The following LRMDA variants were observed in gnomAD, a reference collection of about 807,000 sequenced individuals.
LRMDA encodes the protein leucine-rich melanocyte differentiation-associated protein.
LRMDA carries 18 observed loss-of-function variants against 29.8 expected under a neutral mutation model. The ratio of observed to expected loss-of-function variants is 0.60; its 90% CI spans 0.42 to 0.90. The LOEUF (loss-of-function observed/expected upper bound fraction) is 0.90, where lower values mean the gene tolerates loss of function less well. Among genes scored for constraint, LRMDA ranks in the 40% least tolerant of loss-of-function variants. LRMDA has a pLI of 0.00. For missense variants in LRMDA, 273 were observed against 273.9 expected (o/e 1.00, Z 0.02); for synonymous variants, 125 against 109.4 (o/e 1.14, Z -0.89).
chr10:75,647,502 G>A (rs1174960093), intron 2 of LRMDA: 2 of 152,370 alleles, frequency 1.3e-5, no homozygotes, highest in African/African-American at 4.8e-5. Context: ...AGGGAGGCAT[G>A]CTCTTGAACA....
At chr10:76,265,153 G>A (rs1839990864) in intron 5 of LRMDA, among the ~76,000 whole-genome samples, 1 of 152,220 alleles carries the variant, frequency 6.6e-6, no homozygotes, top group Non-Finnish European at 1.5e-5. Context: ...AACAGCAGGA[G>A]GCAGAAGCAG....
At chr10:75,706,732 CTTTTT>C (rs61099708) in intron 2 of LRMDA, among the ~76,000 whole-genome samples, 2 of 126,210 alleles carry the variant, frequency 1.6e-5, no homozygotes, top group East Asian at 2.3e-4. Context: ...ATTGGTACCA[CTTTTT>C]TTTTTTTTTT....
At chr10:76,299,618 T>TA (rs11414042) in intron 5 of LRMDA, among the ~76,000 whole-genome samples, 5 of 150,524 alleles carry the variant, frequency 3.3e-5, no homozygotes, top group Admixed American at 2.6e-4. Flanking sequence ...TTTTTTTTTT[T>TA]ATGGGACTCA....
chr10:75,529,300 A>G (rs1218268062), intron 2 of LRMDA, among the ~76,000 whole-genome samples: 2 of 152,236 alleles, frequency 1.3e-5, no homozygotes, highest in Non-Finnish European at 2.9e-5. Context: ...GCTAGGATAT[A>G]CTGGAGCAAC....
chr10:76,128,444 G>A (rs77923056), intron 5 of LRMDA, among the ~76,000 whole-genome samples: 1,871 of 152,312 alleles, frequency 0.012, 44 homozygotes, highest in African/African-American at 0.042. Context: ...GGCCCCTGAC[G>A]TCAGCCCGTG....
chr10:76,213,972 G>C (rs542128129), intron 5 of LRMDA, among the ~76,000 whole-genome samples: 2 of 152,186 alleles, frequency 1.3e-5, no homozygotes, highest in South Asian at 4.1e-4. Flanking sequence ...GCAATGTTAG[G>C]GACACTGCAC....
At chr10:76,363,731 G>T (rs1841357659) in intron 6 of LRMDA, among the ~76,000 whole-genome samples, 1 of 151,958 alleles carries the variant, frequency 6.6e-6, no homozygotes, top group African/African-American at 2.4e-5. Flanking sequence ...ATAAAAGAAG[G>T]GTAGAACTTC....
At chr10:75,710,495 A>G (rs1000694315) in intron 2 of LRMDA, among the ~76,000 whole-genome samples, 3 of 152,246 alleles carry the variant, frequency 2.0e-5, no homozygotes, top group Non-Finnish European at 4.4e-5. Flanking sequence ...ATTTATAACA[A>G]GCTCATTCTA....
At chr10:75,726,955 G>A (rs1317447112) in intron 2 of LRMDA, among the ~76,000 whole-genome samples, 1 of 152,158 alleles carries the variant, frequency 6.6e-6, no homozygotes, top group Non-Finnish European at 1.5e-5. Context: ...GTCTGATTAT[G>A]CAAGGTTCTA....
intron 2 of LRMDA, among the ~76,000 whole-genome samples, chr10:75,951,876 G>A (rs1400433150): frequency 6.6e-6 from 1 of 152,194 alleles, no homozygotes; most frequent in Non-Finnish European, 1.5e-5. Flanking sequence ...TTGACCCCTG[G>A]AAAGGCTGAG....
At chr10:75,776,726 C>G (rs1843316788) in intron 2 of LRMDA, among the ~76,000 whole-genome samples, 1 of 152,158 alleles carries the variant, frequency 6.6e-6, no homozygotes, top group African/African-American at 2.4e-5. Flanking sequence ...TTTATGAAAA[C>G]AATTTAAACC....
intron 5 of LRMDA, among the ~76,000 whole-genome samples, chr10:76,268,374 G>A (rs1840029777): frequency 6.6e-6 from 1 of 152,222 alleles, no homozygotes; most frequent in Non-Finnish European, 1.5e-5. Context: ...ATTCAGGAAT[G>A]ACAGGGCTAG....
rs533799837 is a variant in LRMDA, at chr10:75,858,068, G to A, written c.132-177940G>A. On this transcript the variant is annotated intron_variant, in intron 2 of 6. Coordinates refer to ENST00000611255, the MANE Select transcript of LRMDA (RefSeq NM_001305581.2). ...TGGAAGAAGGGTCCCGAGTGCAGGT[G>A]GCCAGGCCTGGTTGTCTGCTGTGAT... Among the ~76,000 whole-genome samples the A allele has an allele frequency of 1.1e-4, 17 of 152,336 alleles. No individual in the cohort carries two copies. The East Asian group carries it at 2.9e-3, about 26-fold the overall frequency.
At chr10:76,000,100 T>G (rs1004165495) in intron 2 of LRMDA, among the ~76,000 whole-genome samples, 2 of 151,988 alleles carry the variant, frequency 1.3e-5, no homozygotes. Context: ...CTCTTGAAGA[T>G]AATTTTTTTT....
chr10:75,551,818 C>T (rs867523492), intron 2 of LRMDA, among the ~76,000 whole-genome samples: 23 of 152,102 alleles, frequency 1.5e-4, no homozygotes, highest in Admixed American at 5.9e-4. Flanking sequence ...GTGAGAGGAT[C>T]GCTTGAGGCC....
intron 6 of LRMDA, among the ~76,000 whole-genome samples, chr10:76,454,514 A>T (rs1308639634): frequency 1.3e-5 from 2 of 152,136 alleles, no homozygotes; most frequent in African/African-American, 4.8e-5. Flanking sequence ...ACATTCTTAA[A>T]ACCCACATGT....
At chr10:76,211,749 T>C (rs1851637734) in intron 5 of LRMDA, among the ~76,000 whole-genome samples, 1 of 152,230 alleles carries the variant, frequency 6.6e-6, no homozygotes, top group African/African-American at 2.4e-5. Flanking sequence ...AATGCAGTGT[T>C]TGCTTCAAAG....
At chr10:76,048,738 A>G (rs1334631873) in intron 4 of LRMDA, among the ~76,000 whole-genome samples, 1 of 152,194 alleles carries the variant, frequency 6.6e-6, no homozygotes, top group Non-Finnish European at 1.5e-5. Flanking sequence ...GCTCCCAACA[A>G]GTTCAATTTC....
intron 2 of LRMDA, among the ~76,000 whole-genome samples, chr10:75,719,777 T>C (rs1347571935): frequency 6.6e-6 from 1 of 152,158 alleles, no homozygotes; most frequent in Non-Finnish European, 1.5e-5. Flanking sequence ...GTCGGTTCTA[T>C]TACAGAGAGC....
Sources: allele counts gnomAD v4.1 joint callset (sites outside exome capture counted in the v4.1 genomes callset), GRCh38; gene constraint gnomAD v4.1.1; transcripts MANE v1.5; gene names NCBI Gene and HGNC (gene_info 2026-07-23, HGNC 2026-07-21).